Variants in RBFOX1 observed in about 807,000 individuals in gnomAD.
The protein encoded by RBFOX1 is RNA binding protein fox-1 homolog 1.
A neutral mutation model predicts 57.7 loss-of-function variants in RBFOX1; 8 were observed. The ratio of observed to expected loss-of-function variants is 0.14; its 90% CI spans 0.08 to 0.25. RBFOX1 has a LOEUF of 0.25. Ranked by LOEUF, RBFOX1 falls within the 10% of genes least tolerant of loss-of-function variation. The pLI, the probability that RBFOX1 is intolerant of heterozygous loss-of-function variation, is 1.00. For missense variants in RBFOX1, 611 were observed against 548.5 expected (o/e 1.11, Z -1.14); for synonymous variants, 326 against 222.4 (o/e 1.47, Z -4.15).
In RBFOX1 at chr16:7,518,243, A is replaced by C. The variant is rs1370492285; in HGVS notation, c.124A>C (p.Thr42Pro). ...GCAGAACGGTATCCCCGCGGAATAC[A>C]CGGCCCCTCATCCCCACCCCGCGCC... is the stretch of plus-strand genomic sequence containing the variant. The part of the protein sequence containing the change: ...PPQNGIPAEY[T>P]APHPHPAPEY... Residue 42 changes from threonine (T) to proline (P), a missense_variant, in exon 5 of 16, where the codon ACG becomes CCG. Physicochemically the swap from Thr to Pro is conservative, Grantham distance 38. Transcript: ENST00000550418. 1.2e-6 allele frequency: 2 copies of C among 1,614,038 alleles called. No homozygotes were observed. The highest frequency in any genetic ancestry group is 2.2e-5 in the South Asian group (2 of 91,066).
chr16:7,494,210 T>C (rs1193437932), intron 4 of RBFOX1, among the ~76,000 whole-genome samples: 1 of 152,178 alleles, frequency 6.6e-6, no homozygotes, highest in East Asian at 1.9e-4. Context: ...GTTTTGAGCA[T>C]GGTGGTCAGA....
chr16:7,478,104 C>A (rs549205382), intron 4 of RBFOX1, among the ~76,000 whole-genome samples: 21 of 152,302 alleles, frequency 1.4e-4, no homozygotes, highest in African/African-American at 4.3e-4. Flanking sequence ...TTAAGGAGTG[C>A]AGTTGAATCC....
At chr16:5,503,765 T>C (rs1341690347) in intron 2 of RBFOX1, among the ~76,000 whole-genome samples, 1 of 152,170 alleles carries the variant, frequency 6.6e-6, no homozygotes, top group Non-Finnish European at 1.5e-5. Context: ...TTTAAGTATA[T>C]TCAAAGTTGT....
At chr16:6,804,084 G>A (rs927909031) in intron 3 of RBFOX1, among the ~76,000 whole-genome samples, 11 of 151,950 alleles carry the variant, frequency 7.2e-5, no homozygotes, top group African/African-American at 2.4e-4. Context: ...TCAGCTCGCT[G>A]CAACCTCTGC....
chr16:6,516,685 A>C (rs2096385487), intron 2 of RBFOX1, among the ~76,000 whole-genome samples: 2 of 152,164 alleles, frequency 1.3e-5, no homozygotes, highest in African/African-American at 4.8e-5. Context: ...TAACATCACC[A>C]ATTATTCGTG....
intron 1 of RBFOX1, among the ~76,000 whole-genome samples, chr16:5,283,163 A>G (rs2063312668): frequency 6.6e-6 from 1 of 152,212 alleles, no homozygotes; most frequent in Non-Finnish European, 1.5e-5. Context: ...AGAAGTCAAA[A>G]ATTGAGGTTT....
rs144446151 is a variant in RBFOX1 at position 7,548,162 on chromosome 16, C to T, written c.270+29773C>T. 5.0e-3 allele frequency among the ~76,000 whole-genome samples: 756 copies of T among 152,216 alleles called. 4 individuals carry two copies. Among genetic ancestry groups the T allele is most frequent in the Middle Eastern group, 0.031 (9 of 294 alleles). ...TATTCACGTCATATTCTTTCTTACT[C>T]GTTTTTCATATTTTATTTTTACTTT... On this transcript the variant is annotated intron_variant, in intron 5 of 15. Transcript: ENST00000550418.
rs1464936190 is a variant in RBFOX1, at chr16:7,711,649, T to C, written c.*904T>C. ...AAGTAATAAAAACTTAAATTCTTTG[T>C]ACCAGTTAAAAAAAATGTATAAAAT... On this transcript the variant is annotated 3_prime_UTR_variant, in exon 16 of 16. Transcript: ENST00000550418. 3.3e-5 allele frequency: 5 copies of C among 152,600 alleles called. No homozygotes were observed. The South Asian group carries it at 8.3e-4, about 25-fold the overall frequency. The allele number at this position is 152,600 out of a possible 1,614,324, so 9.5% of individuals were successfully genotyped here.
intron 2 of RBFOX1, among the ~76,000 whole-genome samples, chr16:6,639,753 C>A (rs2098472187): frequency 6.6e-6 from 1 of 152,048 alleles, no homozygotes; most frequent in South Asian, 2.1e-4. Context: ...GTGTTGGGCG[C>A]CTGTAGTCCC....
chr16:6,542,336 T>C (rs59007425), intron 2 of RBFOX1, among the ~76,000 whole-genome samples: 4,169 of 152,012 alleles, frequency 0.027, 169 homozygotes, highest in South Asian at 0.073. Context: ...CAGGGCTGGA[T>C]TGTGGGGTGT....
At chr16:6,857,035 A>G (rs140464134) in intron 3 of RBFOX1, among the ~76,000 whole-genome samples, 68 of 152,296 alleles carry the variant, frequency 4.5e-4, no homozygotes, top group African/African-American at 1.3e-3. Context: ...GCTTACTGCA[A>G]ATCGTGTTCA....
chr16:7,266,230 C>T (rs1010681853), intron 4 of RBFOX1, among the ~76,000 whole-genome samples: 55 of 151,788 alleles, frequency 3.6e-4, no homozygotes, highest in African/African-American at 1.3e-3. Context: ...CCGCCTCGGC[C>T]TCCCAAAGTG....
At chr16:6,587,903 T>A (rs956662316) in intron 2 of RBFOX1, among the ~76,000 whole-genome samples, 2 of 152,222 alleles carry the variant, frequency 1.3e-5, no homozygotes, top group Admixed American at 1.3e-4. Context: ...GAACAACTCA[T>A]GCCTAAAGGC....
chr16:7,425,850 T>C (rs1281975498), intron 4 of RBFOX1, among the ~76,000 whole-genome samples: 1 of 152,210 alleles, frequency 6.6e-6, no homozygotes, highest in East Asian at 1.9e-4. Context: ...TTAATTTGTT[T>C]CTATTTTACA....
At chr16:5,907,419 G>T (rs1223664890) in intron 4 of RBFOX1, among the ~76,000 whole-genome samples, 1 of 151,934 alleles carries the variant, frequency 6.6e-6, no homozygotes, top group African/African-American at 2.4e-5. Context: ...CTTTTTTTCA[G>T]AGCACGTTGC....
chr16:5,264,849 G>C (rs957265539), intron 1 of RBFOX1, among the ~76,000 whole-genome samples: 5 of 152,084 alleles, frequency 3.3e-5, no homozygotes, highest in Middle Eastern at 3.2e-3. Flanking sequence ...CTTAGTCTTA[G>C]GGCAAGTTTG....
intron 3 of RBFOX1, among the ~76,000 whole-genome samples, chr16:6,780,048 C>T (rs373280487): frequency 0.42 from 3,610 of 8,570 alleles, 512 homozygotes; most frequent in Middle Eastern, 0.5. Flanking sequence ...TATATATTTA[C>T]ATATTTATAT....
At chr16:7,156,989 A>G (rs956130738) in intron 4 of RBFOX1, among the ~76,000 whole-genome samples, 5 of 152,208 alleles carry the variant, frequency 3.3e-5, no homozygotes, top group African/African-American at 1.2e-4. Context: ...CTTATAACAA[A>G]CATACATCCT....
intron 3 of RBFOX1, among the ~76,000 whole-genome samples, chr16:6,962,786 G>C (rs1423909255): frequency 6.6e-6 from 1 of 152,086 alleles, no homozygotes; most frequent in African/African-American, 2.4e-5. Context: ...GATCACTTGA[G>C]CCCAGGAGAT....
Sources: gnomAD v4.1 joint callset for allele counts (sites outside exome capture counted in the v4.1 genomes callset) on GRCh38, gnomAD v4.1.1 for gene constraint, MANE v1.5 for transcripts, NCBI Gene and HGNC (gene_info 2026-07-23, HGNC 2026-07-21) for gene names.